NETO1: variants seen among roughly 807,000 people sequenced by gnomAD.
The protein encoded by NETO1 is neuropilin and tolloid like 1, also known as neuropilin and tolloid-like protein 1.
A neutral mutation model predicts 61.3 loss-of-function variants in NETO1; 26 were observed. The observed-to-expected ratio is 0.42, with a 90% CI of 0.31 to 0.59. NETO1 has a LOEUF of 0.59. Ranked by LOEUF, NETO1 falls within the 20% of genes least tolerant of loss-of-function variation. The probability of loss-of-function intolerance (pLI) is 0.12; values close to 1 mark genes in which losing one functional copy is unlikely to be tolerated. For missense variants in NETO1, 531 were observed against 662.8 expected, an observed-to-expected ratio of 0.80 and a Z score of 2.18; for synonymous variants, 225 against 225.8, an observed-to-expected ratio of 1.00 and a Z score of 0.03.
At chr18:72,778,541 C>T (rs1024281065) in intron 7 of NETO1, among the ~76,000 whole-genome samples, 5 of 152,164 alleles carry the variant, frequency 3.3e-5, no homozygotes, top group Admixed American at 2.0e-4. Flanking sequence ...CCCTCACAAG[C>T]AATACCTTCC....
chr18:72,809,374 C>A (rs1259804494), intron 4 of NETO1, among the ~76,000 whole-genome samples: 1 of 152,094 alleles, frequency 6.6e-6, no homozygotes, highest in East Asian at 1.9e-4. Flanking sequence ...ATATGCTGAA[C>A]CTGTATGTAA....
At chr18:72,851,107 A>G (rs569115415) in intron 4 of NETO1, among the ~76,000 whole-genome samples, 3 of 152,270 alleles carry the variant, frequency 2.0e-5, no homozygotes, top group Admixed American at 1.3e-4. Flanking sequence ...GGTGTTAGGG[A>G]GCAGGAAAAT....
intron 8 of NETO1, among the ~76,000 whole-genome samples, chr18:72,751,445 G>C (rs566023948): frequency 6.6e-6 from 1 of 152,148 alleles, no homozygotes; most frequent in Non-Finnish European, 1.5e-5. Context: ...GCAGCTCCCA[G>C]TTAAGTGAGT....
At chr18:72,752,519 G>GA (rs2070655561) in intron 8 of NETO1, among the ~76,000 whole-genome samples, 2 of 151,960 alleles carry the variant, frequency 1.3e-5, no homozygotes, top group African/African-American at 4.8e-5. Flanking sequence ...AAACAAACAA[G>GA]AAAAACTACA....
chr18:72,848,413 G>A (rs2074152839), intron 4 of NETO1, among the ~76,000 whole-genome samples: 1 of 152,134 alleles, frequency 6.6e-6, no homozygotes, highest in Non-Finnish European at 1.5e-5. Flanking sequence ...TCAGGTATGA[G>A]TGAGGGTCTG....
At chr18:72,743,123 C>T (rs984546180), downstream of NETO1, among the ~76,000 whole-genome samples, 4 of 152,148 alleles carry the variant, frequency 2.6e-5, no homozygotes, top group South Asian at 2.1e-4. Context: ...AATATTCTCC[C>T]TTGAATAAAG....
intron 7 of NETO1, among the ~76,000 whole-genome samples, chr18:72,757,590 A>T (rs1183819543): frequency 6.6e-6 from 1 of 152,152 alleles, no homozygotes; most frequent in African/African-American, 2.4e-5. Context: ...TGGAAAATGA[A>T]AATTAAGAGT....
At chr18:72,799,132 C>A (rs2072418167) in intron 4 of NETO1, among the ~76,000 whole-genome samples, 1 of 152,192 alleles carries the variant, frequency 6.6e-6, no homozygotes, top group African/African-American at 2.4e-5. Flanking sequence ...AAAAGTTGAT[C>A]CTGCCTGCTG....
chr18:72,789,495 T>C (rs2072042613), intron 6 of NETO1, among the ~76,000 whole-genome samples: 1 of 152,170 alleles, frequency 6.6e-6, no homozygotes, highest in Non-Finnish European at 1.5e-5. Context: ...TCAGAACCCT[T>C]GATGCTTATC....
intron 7 of NETO1, among the ~76,000 whole-genome samples, chr18:72,772,763 A>C (rs1430630936): frequency 1.1e-4 from 7 of 66,080 alleles, no homozygotes; most frequent in African/African-American, 2.4e-4. Context: ...ATATATCTAT[A>C]TATATATATA....
chr18:72,806,248 A>T (rs1003905333), intron 4 of NETO1, among the ~76,000 whole-genome samples: 1 of 152,182 alleles, frequency 6.6e-6, no homozygotes, highest in African/African-American at 2.4e-5. Flanking sequence ...TTACTGATGG[A>T]TTGGGTGTGG....
At chr18:72,812,859 C>T (rs1401590981) in intron 4 of NETO1, among the ~76,000 whole-genome samples, 1 of 152,214 alleles carries the variant, frequency 6.6e-6, no homozygotes, top group East Asian at 1.9e-4. Context: ...TCAGAACAAA[C>T]TACCTCTCAT....
In NETO1 at chr18:72,746,502, TGAC is replaced by T. The variant is rs2070435021; in HGVS notation, c.*1674_*1676del. Reference sequence around the variant, plus strand: ...AATTCATTGAAGTGATTCTGTAGCTTGACATTTTTTCAAGATAGAGTGTTTATA... The same window carrying T: ...AATTCATTGAAGTGATTCTGTAGCTTATTTTTTCAAGATAGAGTGTTTATA... On this transcript the variant is annotated 3_prime_UTR_variant, in exon 11 of 11. Coordinates refer to ENST00000327305, the MANE Select transcript of NETO1 (RefSeq NM_138966.5). Among the ~76,000 whole-genome samples, 1 of 152,168 alleles carries T rather than the reference TGAC, an allele frequency of 6.6e-6. No individual in the cohort carries two copies. The highest frequency in any genetic ancestry group is 1.5e-5 in the Non-Finnish European group (1 of 68,006).
At position 72,781,100 on chromosome 18, in the gene NETO1, T is replaced by A. The variant is rs116539204; in HGVS notation, c.868+2578A>T. Among the ~76,000 whole-genome samples the A allele has an allele frequency of 3.0e-3, 451 of 152,302 alleles. 2 individuals carry two copies. Among genetic ancestry groups the A allele is most frequent in the African/African-American group, 0.01 (429 of 41,574 alleles). On this transcript the variant is annotated intron_variant, in intron 7 of 10. Transcript: ENST00000327305. ...CATCAGGGTTCCTCTATGTTATTGA[T>A]TTTTGAAATATAATGCTTTTATCAT...
In NETO1 at chr18:72,858,784, A is replaced by C. The variant is rs2156105; in HGVS notation, c.469+42T>G. Reference sequence around the variant, plus strand: ...GATTTTGTACTATGAAGATAGAAAAATGAGGAAGAAAAAGAAATTTTTTTT... The same window carrying C: ...GATTTTGTACTATGAAGATAGAAAACTGAGGAAGAAAAAGAAATTTTTTTT... On this transcript the variant is annotated intron_variant, in intron 4 of 10. Coordinates refer to ENST00000327305, the MANE Select transcript of NETO1 (RefSeq NM_138966.5). 4,266 of 1,537,640 alleles carry C rather than the reference A, an allele frequency of 2.8e-3. 107 individuals are homozygous for C. In the African/African-American group the frequency reaches 0.052, roughly 19 times the overall value.
At chr18:72,840,495 C>T (rs757312780) in intron 4 of NETO1, among the ~76,000 whole-genome samples, 4 of 152,100 alleles carry the variant, frequency 2.6e-5, no homozygotes, top group African/African-American at 4.8e-5. Flanking sequence ...ATCCTTCCAA[C>T]GATATGAGCA....
At chr18:72,766,846 T>C (rs1348409265) in intron 7 of NETO1, among the ~76,000 whole-genome samples, 1 of 152,242 alleles carries the variant, frequency 6.6e-6, no homozygotes, top group Admixed American at 6.5e-5. Flanking sequence ...TCCATTATTT[T>C]ATCTTCCCTA....
intron 7 of NETO1, among the ~76,000 whole-genome samples, chr18:72,777,104 C>T (rs1416365068): frequency 1.3e-5 from 2 of 152,126 alleles, no homozygotes; most frequent in African/African-American, 4.8e-5. Context: ...CCCAGCAAGC[C>T]CAAAACCTTG....
intron 4 of NETO1, 48 bp downstream of exon 4, chr18:72,858,778 A>T (rs372382845): frequency 6.6e-7 from 1 of 1,518,664 alleles, no homozygotes; most frequent in African/African-American, 1.4e-5. Context: ...CTATGAAGAT[A>T]GAAAAATGAG....
Sources: gnomAD v4.1 joint callset for allele counts (sites outside exome capture counted in the v4.1 genomes callset) on GRCh38, gnomAD v4.1.1 for gene constraint, MANE v1.5 for transcripts, NCBI Gene and HGNC (gene_info 2026-07-23, HGNC 2026-07-21) for gene names.